Variants in BCAT1 observed in about 807,000 individuals in gnomAD.
The protein encoded by BCAT1 is branched chain amino acid transaminase 1, also known as branched-chain-amino-acid aminotransferase, cytosolic.
In BCAT1, 48 loss-of-function variants were observed where a neutral mutation model predicts 52.4. The observed-to-expected ratio is 0.92, with a 90% CI of 0.73 to 1.16. The LOEUF (loss-of-function observed/expected upper bound fraction) is 1.16. BCAT1 is among the 50% of genes most tolerant of loss of function. The probability of loss-of-function intolerance (pLI) is 0.00; values close to 1 mark genes in which losing one functional copy is unlikely to be tolerated. For missense variants in BCAT1, 451 were observed against 457.1 expected, an observed-to-expected ratio of 0.99 and a Z score of 0.12; for synonymous variants, 167 against 161.3, an observed-to-expected ratio of 1.04 and a Z score of -0.27.
rs578149676 is a variant in BCAT1 at position 24,922,750 on chromosome 12, G to C, written c.7-20865C>G. ...GCCGGTGTGGCAGCGCGCGCCTGTAGTCCCAGCTACTCGGGAGGCTGAGGC... is the reference window on the plus strand; with the variant it reads ...GCCGGTGTGGCAGCGCGCGCCTGTACTCCCAGCTACTCGGGAGGCTGAGGC... On this transcript the variant is annotated intron_variant, in intron 1 of 10. Coordinates refer to ENST00000261192, the MANE Select transcript of BCAT1 (RefSeq NM_005504.7). Among the ~76,000 whole-genome samples, 19 of 151,866 alleles carry C rather than the reference G, an allele frequency of 1.3e-4. 1 individual carries two copies. In the South Asian group the frequency reaches 4.0e-3, roughly 32 times the overall value.
chr12:24,931,546 C>T (rs913304094), intron 1 of BCAT1, among the ~76,000 whole-genome samples: 2 of 152,104 alleles, frequency 1.3e-5, no homozygotes, highest in Admixed American at 6.6e-5. Flanking sequence ...GAACAAAAAA[C>T]AGGTTACACA....
intron 1 of BCAT1, among the ~76,000 whole-genome samples, chr12:24,918,637 A>G (rs890859677): frequency 6.6e-6 from 1 of 152,196 alleles, no homozygotes; most frequent in African/African-American, 2.4e-5. Context: ...ATTTTAGAAT[A>G]TGAAATTTGA....
intron 1 of BCAT1, among the ~76,000 whole-genome samples, chr12:24,915,373 G>C (rs1383015663): frequency 1.3e-5 from 2 of 152,068 alleles, no homozygotes; most frequent in Non-Finnish European, 2.9e-5. Context: ...TGGTGGGCAA[G>C]AGAAATACAC....
At chr12:24,878,423 G>T in intron 5 of BCAT1, 107 bp downstream of exon 5, 1 of 994,626 alleles carries the variant, frequency 1.0e-6, no homozygotes, top group Non-Finnish European at 1.4e-6. Context: ...AGTCATTAAT[G>T]ATGCTACTGG....
At chr12:24,948,835 C>T in intron 1 of BCAT1, 92 bp downstream of exon 1, 2 of 1,417,510 alleles carry the variant, frequency 1.4e-6, no homozygotes, top group Non-Finnish European at 1.9e-6. Flanking sequence ...TCGCCTTCCT[C>T]CCCTCCCTGC....
In BCAT1 at chr12:24,946,518, C is replaced by T. The variant is rs537403726; in HGVS notation, c.6+2409G>A. ...ATTAAAATAACATAAACTATATAAA[C>T]TATTGATAGGCTAAACATTGTTTTT... On this transcript the variant is annotated intron_variant, in intron 1 of 10. Coordinates refer to ENST00000261192, the MANE Select transcript of BCAT1 (RefSeq NM_005504.7). Among the ~76,000 whole-genome samples, 25 of 152,248 alleles carry T rather than the reference C, an allele frequency of 1.6e-4. No individual in the cohort carries two copies. The South Asian group carries it at 5.0e-3, about 30-fold the overall frequency.
Position 24,842,071 on chromosome 12 carries a change from G to C in BCAT1, c.817+11C>G, listed in dbSNP as rs1941192172. On this transcript the variant is annotated intron_variant, in intron 7 of 10. Transcript: ENST00000261192. Reference sequence around the variant, plus strand: ...CTGAGAAATGCACACAGTGAAATCTGAGTGGATTACCTCCATCTTCATTTA... The same window carrying C: ...CTGAGAAATGCACACAGTGAAATCTCAGTGGATTACCTCCATCTTCATTTA... 1 of 1,611,896 alleles carries C rather than the reference G, an allele frequency of 6.2e-7. No homozygotes were observed. The highest frequency in any genetic ancestry group is 8.5e-7 in the Non-Finnish European group (1 of 1,178,566).
chr12:24,895,406 G>C (rs1224662036), intron 2 of BCAT1, among the ~76,000 whole-genome samples: 1 of 151,936 alleles, frequency 6.6e-6, no homozygotes, highest in East Asian at 1.9e-4. Context: ...TGCACCTGTA[G>C]TCGCAGCTAC....
intron 6 of BCAT1, among the ~76,000 whole-genome samples, chr12:24,843,544 AG>A (rs1941240378): frequency 6.6e-6 from 1 of 152,176 alleles, no homozygotes; most frequent in Non-Finnish European, 1.5e-5. Context: ...CAAAAGTTGC[AG>A]TGAGCCAAGA....
chr12:24,817,738 T>C lies in BCAT1; in HGVS notation c.*270A>G, dbSNP rs1244526001. 5 of 389,692 alleles carry C rather than the reference T, an allele frequency of 1.3e-5. No individual in the cohort carries two copies. Among genetic ancestry groups the C allele is most frequent in the Admixed American group, 1.2e-4 (3 of 26,040 alleles). 24.1% of individuals were successfully genotyped at this position (389,692 alleles called of 1,614,324 possible). On this transcript the variant is annotated 3_prime_UTR_variant, in exon 11 of 11. Coordinates refer to ENST00000261192, the MANE Select transcript of BCAT1 (RefSeq NM_005504.7). ...AGTACAAAAGGAGGCACTAAAATCA[T>C]TGAGGAAAATCCCATGTTATATGGC...
chr12:24,878,799 A>T (rs1337928855), intron 4 of BCAT1, 150 bp from the exon 5 acceptor site: 8 of 768,992 alleles, frequency 1.0e-5, no homozygotes, highest in Non-Finnish European at 1.5e-5. Flanking sequence ...TATCCTAATT[A>T]TCCTAATTTT....
intron 10 of BCAT1, among the ~76,000 whole-genome samples, chr12:24,822,579 C>T (rs1940186296): frequency 6.6e-6 from 1 of 152,210 alleles, no homozygotes; most frequent in Non-Finnish European, 1.5e-5. Flanking sequence ...AGGAGCTTAG[C>T]TGACAGCCTC....
intron 1 of BCAT1, among the ~76,000 whole-genome samples, chr12:24,925,643 G>A (rs1431513705): frequency 1.2e-4 from 18 of 151,384 alleles, no homozygotes; most frequent in South Asian, 2.1e-4. Flanking sequence ...ATGCCAAGCC[G>A]AAGCTGGACT....
intron 3 of BCAT1, among the ~76,000 whole-genome samples, chr12:24,893,193 C>T (rs750062341): frequency 1.3e-5 from 2 of 152,178 alleles, no homozygotes; most frequent in Non-Finnish European, 2.9e-5. Context: ...AGAAACAACT[C>T]TTCTGAGCCT....
chr12:24,866,931 T>C (rs1942036758), intron 5 of BCAT1, among the ~76,000 whole-genome samples: 1 of 152,146 alleles, frequency 6.6e-6, no homozygotes, highest in Non-Finnish European at 1.5e-5. Flanking sequence ...GTGGAAGCTT[T>C]GTTCTCTCGC....
intron 5 of BCAT1, among the ~76,000 whole-genome samples, chr12:24,854,443 G>A (rs1354000210): frequency 6.6e-6 from 1 of 152,130 alleles, no homozygotes; most frequent in African/African-American, 2.4e-5. Context: ...ACTACTGCCA[G>A]TTGTTTTGAA....
In BCAT1 at chr12:24,810,181, TAC is replaced by T. The variant is rs143811971; in HGVS notation, c.*7825_*7826del. On this transcript the variant is annotated 3_prime_UTR_variant, in exon 11 of 11. Coordinates refer to ENST00000261192, the MANE Select transcript of BCAT1 (RefSeq NM_005504.7). Reference sequence around the variant, plus strand: ...TAGAGAACAAGCCCAGTGATTATTCTACAGACCATAGGAAGCATCTACACCTC... The same window carrying T: ...TAGAGAACAAGCCCAGTGATTATTCTAGACCATAGGAAGCATCTACACCTC... 650 of 152,254 alleles carry T rather than the reference TAC, an allele frequency of 4.3e-3. 5 individuals carry two copies. The highest frequency in any genetic ancestry group is 0.014 in the African/African-American group (602 of 41,534). 9.4% of individuals were successfully genotyped at this position (152,254 alleles called of 1,614,324 possible).
intron 8 of BCAT1, 127 bp downstream of exon 8, chr12:24,836,384 C>T (rs148504956): frequency 1.4e-5 from 11 of 794,144 alleles, no homozygotes; most frequent in Non-Finnish European, 1.8e-5. Context: ...TTTTCATTCA[C>T]GTTAGAATTT....
At chr12:24,902,205 C>T in intron 1 of BCAT1, 2 of 1,427,700 alleles carry the variant, frequency 1.4e-6, no homozygotes, top group East Asian at 5.0e-5. Context: ...CAATTGTCTC[C>T]CTTATATCCG....
Sources: allele counts gnomAD v4.1 joint callset (sites outside exome capture counted in the v4.1 genomes callset), GRCh38; gene constraint gnomAD v4.1.1; transcripts MANE v1.5; gene names NCBI Gene and HGNC (gene_info 2026-07-23, HGNC 2026-07-21).